The following NRXN3 variants were observed in gnomAD, a reference collection of about 807,000 sequenced individuals.
The protein encoded by NRXN3 is neurexin III.
Under a neutral mutation model 137.6 loss-of-function variants are expected in NRXN3, and 32 were observed. That is an observed-to-expected ratio of 0.23 (90% confidence interval 0.18 to 0.31). The LOEUF is 0.31. Among genes scored for constraint, NRXN3 ranks in the 10% least tolerant of loss-of-function variants. The pLI, the probability that NRXN3 is intolerant of heterozygous loss-of-function variation, is 1.00. For synonymous variants in NRXN3, 798 were observed against 784.5 expected, an observed-to-expected ratio of 1.02 and a Z score of -0.29; for missense variants, 1,574 against 2,062.5, an observed-to-expected ratio of 0.76 and a Z score of 4.59.
chr14:79,505,018 C>T (rs967843751), intron 16 of NRXN3, among the ~76,000 whole-genome samples: 1 of 151,990 alleles, frequency 6.6e-6, no homozygotes. Context: ...AGTTTGAGAC[C>T]AGCCTGAACA....
At chr14:79,261,642 TGA>T (rs1491500243) in intron 15 of NRXN3, among the ~76,000 whole-genome samples, 1 of 33,964 alleles carries the variant, frequency 2.9e-5, no homozygotes, top group South Asian at 8.7e-4. Context: ...TGTGTGTGTG[TGA>T]TGGGGTGGGG....
At chr14:78,715,985 G>A (rs1325036333) in intron 8 of NRXN3, among the ~76,000 whole-genome samples, 1 of 152,094 alleles carries the variant, frequency 6.6e-6, no homozygotes, top group Non-Finnish European at 1.5e-5. Context: ...CCTGAACAAA[G>A]TCCAGAATGG....
At chr14:79,142,336 G>A (rs1035687175) in intron 15 of NRXN3, among the ~76,000 whole-genome samples, 1 of 151,924 alleles carries the variant, frequency 6.6e-6, no homozygotes, top group African/African-American at 2.4e-5. Flanking sequence ...TGAGGCAGGA[G>A]AATTGCTTGA....
At chr14:78,227,273 A>T (rs147234531) in intron 1 of NRXN3, among the ~76,000 whole-genome samples, 65 of 152,298 alleles carry the variant, frequency 4.3e-4, no homozygotes, top group African/African-American at 1.5e-3. Context: ...CAATTGCATC[A>T]CTTACTGTTT....
At chr14:79,742,420 C>A (rs1053084845) in intron 19 of NRXN3, among the ~76,000 whole-genome samples, 8 of 152,028 alleles carry the variant, frequency 5.3e-5, no homozygotes, top group African/African-American at 1.7e-4. Flanking sequence ...TAGTTAGACA[C>A]CCCCTCCCTC....
At chr14:79,641,836 T>C (rs1028850990) in intron 16 of NRXN3, among the ~76,000 whole-genome samples, 2 of 135,484 alleles carry the variant, frequency 1.5e-5, no homozygotes, top group African/African-American at 4.9e-5. Context: ...ATCTGCTTCA[T>C]TATAGGAACA....
At position 78,873,800 on chromosome 14, in the gene NRXN3, C is replaced by A. The variant is rs1356274148; in HGVS notation, c.2275+63456C>A. Among the ~76,000 whole-genome samples the A allele has an allele frequency of 2.0e-5, 3 of 152,110 alleles. No individual in the cohort carries two copies. In the East Asian group the frequency reaches 5.8e-4, roughly 29 times the overall value. ...GATTCTTAGTCTCCTCTCTGACCTA[C>A]TGGAACACAATCTACGTTTTAATGA... On this transcript the variant is annotated intron_variant, in intron 10 of 20. Transcript: ENST00000335750.
rs965159135 is a variant in NRXN3 at position 79,130,912 on chromosome 14, G to A, written c.3262+142771G>A. On this transcript the variant is annotated intron_variant, in intron 15 of 20. Transcript: ENST00000335750. ...CTTTTTTCTCTAAACTTCCCTTCTC[G>A]CTTCATTTCATTCACTTCATCTTCC... is the stretch of plus-strand genomic sequence containing the variant. Among the ~76,000 whole-genome samples, 97 of 151,702 alleles carry A rather than the reference G, an allele frequency of 6.4e-4. 1 individual carries two copies. Among genetic ancestry groups the A allele is most frequent in the Admixed American group, 3.0e-3 (45 of 15,218 alleles).
At chr14:79,377,097 C>T (rs182459908) in intron 15 of NRXN3, among the ~76,000 whole-genome samples, 54 of 152,262 alleles carry the variant, frequency 3.5e-4, no homozygotes, top group African/African-American at 1.3e-3. Flanking sequence ...TCAGCAATAT[C>T]GTGAAAGTTT....
At chr14:79,665,871 C>T (rs1413192910) in intron 17 of NRXN3, among the ~76,000 whole-genome samples, 1 of 152,116 alleles carries the variant, frequency 6.6e-6, no homozygotes, top group African/African-American at 2.4e-5. Flanking sequence ...TCTTTAATAG[C>T]ATTGCTCCCT....
chr14:79,149,696 G>C (rs1213450538), intron 15 of NRXN3, among the ~76,000 whole-genome samples: 1 of 152,110 alleles, frequency 6.6e-6, no homozygotes, highest in Non-Finnish European at 1.5e-5. Flanking sequence ...ATGAGATCAT[G>C]TCCTTTGCAG....
chr14:79,394,740 A>G (rs1371374194), intron 15 of NRXN3, among the ~76,000 whole-genome samples: 2 of 152,208 alleles, frequency 1.3e-5, no homozygotes, highest in African/African-American at 4.8e-5. Context: ...GTATTTTTAA[A>G]AGTATCCCAG....
At chr14:79,554,334 T>C (rs187497421) in intron 16 of NRXN3, among the ~76,000 whole-genome samples, 2 of 152,288 alleles carry the variant, frequency 1.3e-5, no homozygotes, top group African/African-American at 4.8e-5. Flanking sequence ...AAACACGTTG[T>C]CTACTCTATT....
intron 4 of NRXN3, chr14:78,403,742 G>A: frequency 1.0e-6 from 1 of 985,450 alleles, no homozygotes; most frequent in Non-Finnish European, 1.2e-6. Context: ...ATTGCTCCGG[G>A]AGAGACACAG....
chr14:79,383,517 A>C (rs145717312), intron 15 of NRXN3, among the ~76,000 whole-genome samples: 149 of 152,280 alleles, frequency 9.8e-4, no homozygotes, highest in African/African-American at 3.5e-3. Context: ...ATAGCTTGTA[A>C]ATTCCAAGAA....
chr14:79,621,895 A>G (rs2098227959), intron 16 of NRXN3, among the ~76,000 whole-genome samples: 2 of 152,200 alleles, frequency 1.3e-5, no homozygotes, highest in South Asian at 4.1e-4. Context: ...TATTTAAAGT[A>G]TGGTTCTCTG....
chr14:78,221,401 G>T (rs952888970), intron 1 of NRXN3, among the ~76,000 whole-genome samples: 20 of 152,180 alleles, frequency 1.3e-4, no homozygotes, highest in African/African-American at 4.8e-4. Flanking sequence ...GGTTACTGGA[G>T]CGGAGGCACA....
intron 15 of NRXN3, among the ~76,000 whole-genome samples, chr14:79,139,601 T>C (rs1342977227): frequency 6.6e-6 from 1 of 152,140 alleles, no homozygotes; most frequent in East Asian, 1.9e-4. Flanking sequence ...GCTGCGAGTG[T>C]GTCACTAAAG....
At chr14:78,702,451 C>T (rs375139457) in intron 6 of NRXN3, among the ~76,000 whole-genome samples, 1 of 122,694 alleles carries the variant, frequency 8.2e-6, no homozygotes. Flanking sequence ...TTTTTCTTTT[C>T]TTATTTTTTT....
Sources: allele counts gnomAD v4.1 joint callset (sites outside exome capture counted in the v4.1 genomes callset), GRCh38; gene constraint gnomAD v4.1.1; transcripts MANE v1.5; gene names NCBI Gene and HGNC (gene_info 2026-07-23, HGNC 2026-07-21).